CMIP: variants seen among roughly 807,000 people sequenced by gnomAD.
CMIP encodes c-Maf inducing protein.
CMIP carries 13 observed loss-of-function variants against 97.3 expected under a neutral mutation model. The ratio of observed to expected loss-of-function variants is 0.13; its 90% CI spans 0.09 to 0.21. The LOEUF (loss-of-function observed/expected upper bound fraction) is 0.21. Ranked by LOEUF, CMIP falls within the 10% of genes least tolerant of loss-of-function variation. CMIP has a pLI of 1.00. For synonymous variants in CMIP, 538 were observed against 436.3 expected, an observed-to-expected ratio of 1.23 and a Z score of -2.91; for missense variants, 847 against 1,024.9, an observed-to-expected ratio of 0.83 and a Z score of 2.37.
At chr16:81,476,549 C>T (rs185756737) in intron 1 of CMIP, 13 of 607,374 alleles carry the variant, frequency 2.1e-5, no homozygotes, top group East Asian at 1.7e-4. Flanking sequence ...CCGACGGCGC[C>T]GGTGTCTGCA....
Position 81,453,884 on chromosome 16 carries a change from C to T in CMIP, c.300+8343C>T, listed in dbSNP as rs894119859. Among the ~76,000 whole-genome samples the T allele has an allele frequency of 6.6e-6, 1 of 152,218 alleles. No homozygotes were observed. The highest frequency in any genetic ancestry group is 2.1e-4 in the South Asian group (1 of 4,824). ...CTTGGTTGGCTAGAACTCAGACACA[C>T]GGCCACACGGAGTGCAGGGGAAGAC... On this transcript the variant is annotated intron_variant, in intron 1 of 20. Coordinates refer to ENST00000537098, the MANE Select transcript of CMIP (RefSeq NM_198390.3). This position sits in a 1 kb window ranked among gnomAD's most constrained non-coding sequence, Gnocchi z 4.0.
At chr16:81,474,510 C>G (rs1907765564) in intron 1 of CMIP, among the ~76,000 whole-genome samples, 1 of 152,188 alleles carries the variant, frequency 6.6e-6, no homozygotes, top group Non-Finnish European at 1.5e-5. Flanking sequence ...TCCCTACCTT[C>G]AGACCACACC....
chr16:81,572,113 T>TC (rs2091102374), intron 1 of CMIP, among the ~76,000 whole-genome samples: 1 of 152,300 alleles, frequency 6.6e-6, no homozygotes, highest in Admixed American at 6.5e-5. Context: ...CCCTCCTGTC[T>TC]CCCGGGGGCT....
At chr16:81,646,765 A>G (rs570871398) in intron 3 of CMIP, among the ~76,000 whole-genome samples, 1 of 152,328 alleles carries the variant, frequency 6.6e-6, no homozygotes, top group Admixed American at 6.5e-5. Context: ...CCCTTAGTGT[A>G]GTGGTTATGA....
intron 1 of CMIP, among the ~76,000 whole-genome samples, chr16:81,470,274 G>T (rs995795792): frequency 5.3e-5 from 8 of 152,258 alleles, no homozygotes; most frequent in African/African-American, 1.4e-4. Flanking sequence ...AGCCCCAGCG[G>T]TTCAAGAGGT....
chr16:81,500,272 G>GTCCTTCCTTCCTTCCT (rs143054986), intron 1 of CMIP, among the ~76,000 whole-genome samples: 13,202 of 64,610 alleles, frequency 0.2, 2,335 homozygotes, highest in Admixed American at 0.33. Flanking sequence ...CCTTCCTTCC[G>GTCCTTCCTTCCTTCCT]TCCTTCCTTC....
intron 10 of CMIP, among the ~76,000 whole-genome samples, chr16:81,686,721 C>T (rs1905432877): frequency 6.6e-6 from 1 of 152,156 alleles, no homozygotes; most frequent in Non-Finnish European, 1.5e-5. Flanking sequence ...GCAGGAAAAG[C>T]CCTCACTCAG....
intron 1 of CMIP, among the ~76,000 whole-genome samples, chr16:81,494,894 CA>C (rs1464465040): frequency 7.9e-5 from 12 of 152,182 alleles, no homozygotes; most frequent in African/African-American, 2.2e-4. Context: ...TTCAGCCTGC[CA>C]AGGAAGCCCG....
chr16:81,572,402 G>A (rs1275976412), intron 1 of CMIP, among the ~76,000 whole-genome samples: 8 of 152,212 alleles, frequency 5.3e-5, no homozygotes, highest in Admixed American at 3.3e-4. Flanking sequence ...GGGGGCGTGC[G>A]AGGTTGGATT....
chr16:81,647,644 C>G (rs971931651), intron 3 of CMIP, among the ~76,000 whole-genome samples: 1 of 152,120 alleles, frequency 6.6e-6, no homozygotes, highest in Admixed American at 6.5e-5. Flanking sequence ...GACCATATTG[C>G]AAAGCTGAGG....
chr16:81,579,778 C>A (rs2091264329), intron 1 of CMIP, among the ~76,000 whole-genome samples: 1 of 152,124 alleles, frequency 6.6e-6, no homozygotes, highest in South Asian at 2.1e-4. Context: ...CATGGTGAAA[C>A]CCCGTCTCTA....
chr16:81,642,543 C>T lies in CMIP; in HGVS notation c.478-9660C>T, dbSNP rs984086323. Among the ~76,000 whole-genome samples the T allele has an allele frequency of 5.9e-5, 9 of 152,284 alleles. No homozygotes were observed. In the South Asian group the frequency reaches 8.3e-4, roughly 14 times the overall value. On this transcript the variant is annotated intron_variant, in intron 3 of 20. Transcript: ENST00000537098. ...AAACTGATTCAGTGCAGTTGAGGCA[C>T]GGGGACAGGGCAAAAAGCAACAATA...
intron 9 of CMIP, among the ~76,000 whole-genome samples, chr16:81,673,718 A>G (rs2092703803): frequency 6.6e-6 from 1 of 152,088 alleles, no homozygotes; most frequent in African/African-American, 2.4e-5. Context: ...TGCTCCCGGG[A>G]TGCAGACTAA....
chr16:81,538,962 C>G (rs2090397591), intron 1 of CMIP, among the ~76,000 whole-genome samples: 2 of 152,120 alleles, frequency 1.3e-5, no homozygotes, highest in African/African-American at 4.8e-5. Context: ...TTGATATAAT[C>G]AGGCTATTTA....
At chr16:81,654,599 C>T (rs1188105081) in intron 4 of CMIP, among the ~76,000 whole-genome samples, 2 of 152,208 alleles carry the variant, frequency 1.3e-5, no homozygotes, top group South Asian at 2.1e-4. Flanking sequence ...GCCCAGGCTG[C>T]CTGACCCGGC....
At chr16:81,547,662 C>T (rs576254960) in intron 1 of CMIP, among the ~76,000 whole-genome samples, 148 of 152,224 alleles carry the variant, frequency 9.7e-4, no homozygotes, top group Non-Finnish European at 1.8e-3. Flanking sequence ...CAGAAGCCTG[C>T]AGGGTCCAGA....
At chr16:81,597,645 C>T (rs1308150673) in intron 1 of CMIP, among the ~76,000 whole-genome samples, 1 of 148,752 alleles carries the variant, frequency 6.7e-6, no homozygotes, top group Non-Finnish European at 1.5e-5. Flanking sequence ...GAGCAGGGGG[C>T]GGGACACCTG....
chr16:81,493,857 G>C (rs16955444), intron 1 of CMIP, among the ~76,000 whole-genome samples: 11,275 of 152,288 alleles, frequency 0.074, 1,380 homozygotes, highest in African/African-American at 0.26. Flanking sequence ...CGTGGCTTCA[G>C]GGCCCAGGCC....
intron 1 of CMIP, among the ~76,000 whole-genome samples, chr16:81,468,370 C>G (rs540569572): frequency 6.6e-6 from 1 of 152,264 alleles, no homozygotes; most frequent in South Asian, 2.1e-4. Flanking sequence ...GGCTGGAATT[C>G]CAGCTCTGCG....
Sources: allele counts gnomAD v4.1 joint callset (sites outside exome capture counted in the v4.1 genomes callset), GRCh38; gene constraint gnomAD v4.1.1; non-coding constraint Gnocchi (gnomAD v3.1); transcripts MANE v1.5; gene names NCBI Gene and HGNC (gene_info 2026-07-23, HGNC 2026-07-21).